The following RGS6 variants were observed in gnomAD, a reference collection of about 807,000 sequenced individuals.
The protein encoded by RGS6 is regulator of G-protein signaling 6.
Under a neutral mutation model 78.5 loss-of-function variants are expected in RGS6, and 30 were observed. The ratio of observed to expected loss-of-function variants is 0.38; its 90% CI spans 0.29 to 0.52. The LOEUF (loss-of-function observed/expected upper bound fraction) is 0.52. RGS6 is among the 20% of genes least tolerant of loss of function. The probability of loss-of-function intolerance (pLI) is 0.85; values close to 1 mark genes in which losing one functional copy is unlikely to be tolerated. For missense variants in RGS6, 495 were observed against 609.7 expected, an observed-to-expected ratio of 0.81 and a Z score of 1.98; for synonymous variants, 206 against 206.0, an observed-to-expected ratio of 1.00 and a Z score of 0.00.
chr14:72,217,275 C>A (rs985779828), intron 2 of RGS6, among the ~76,000 whole-genome samples: 7 of 152,152 alleles, frequency 4.6e-5, no homozygotes, highest in Admixed American at 1.3e-4. Flanking sequence ...GATATGGGAG[C>A]AATCTCATGA....
At chr14:71,942,376 TTAATTACCC>T (rs1026564361) in intron 1 of RGS6, among the ~76,000 whole-genome samples, 73 of 152,206 alleles carry the variant, frequency 4.8e-4, no homozygotes, top group African/African-American at 1.7e-3. Flanking sequence ...AGTTTCACTA[TTAATTACCC>T]TAATTACCAA....
At chr14:72,176,667 A>C (rs1462939865) in intron 2 of RGS6, among the ~76,000 whole-genome samples, 1 of 152,134 alleles carries the variant, frequency 6.6e-6, no homozygotes, top group Non-Finnish European at 1.5e-5. Flanking sequence ...GTCCGTGAAC[A>C]GTGATGAGTT....
chr14:72,091,887 C>T (rs536968144), intron 2 of RGS6, among the ~76,000 whole-genome samples: 1 of 152,214 alleles, frequency 6.6e-6, no homozygotes, highest in African/African-American at 2.4e-5. Flanking sequence ...TATTAATACT[C>T]TATTCTCTAA....
chr14:72,152,605 G>A (rs1470180478), intron 2 of RGS6, among the ~76,000 whole-genome samples: 1 of 152,168 alleles, frequency 6.6e-6, no homozygotes, highest in East Asian at 1.9e-4. Flanking sequence ...ACGTTTACCA[G>A]TAAGATATGT....
chr14:72,368,431 A>T (rs532250244), intron 3 of RGS6, among the ~76,000 whole-genome samples: 1 of 152,194 alleles, frequency 6.6e-6, no homozygotes, highest in Non-Finnish European at 1.5e-5. Context: ...AAATTTCAAG[A>T]TGAGTTTTGG....
intron 17 of RGS6, among the ~76,000 whole-genome samples, chr14:72,553,063 T>A (rs1318727986): frequency 6.6e-6 from 1 of 152,184 alleles, no homozygotes; most frequent in Non-Finnish European, 1.5e-5. Flanking sequence ...TGCACAGGTG[T>A]ATACACAGGT....
chr14:72,421,381 A>G (rs535833011), intron 3 of RGS6, among the ~76,000 whole-genome samples: 2 of 152,258 alleles, frequency 1.3e-5, no homozygotes, highest in East Asian at 3.9e-4. Context: ...GTAATTATTT[A>G]CATTTTAAAC....
chr14:71,934,148 G>T (rs1417688063), intron 1 of RGS6, among the ~76,000 whole-genome samples: 1 of 152,230 alleles, frequency 6.6e-6, no homozygotes, highest in East Asian at 1.9e-4. Flanking sequence ...AAAGTAGAGG[G>T]CTGAGGGACA....
At chr14:71,934,278 C>T (rs554876087) in intron 1 of RGS6, among the ~76,000 whole-genome samples, 4 of 152,250 alleles carry the variant, frequency 2.6e-5, no homozygotes, top group African/African-American at 9.6e-5. Flanking sequence ...TAAATATGAT[C>T]TCATGCACCA....
intron 1 of RGS6, among the ~76,000 whole-genome samples, chr14:71,946,446 G>A (rs544432718): frequency 2.6e-5 from 4 of 152,130 alleles, no homozygotes; most frequent in Non-Finnish European, 5.9e-5. Context: ...CTGCTGGTCC[G>A]TGTCAGACAG....
intron 2 of RGS6, among the ~76,000 whole-genome samples, chr14:72,262,864 T>A (rs971143779): frequency 6.6e-6 from 1 of 152,096 alleles, no homozygotes; most frequent in Non-Finnish European, 1.5e-5. Context: ...GTCTTTGTCC[T>A]CCCCTTGAGC....
intron 2 of RGS6, among the ~76,000 whole-genome samples, chr14:72,015,322 C>G (rs1302176695): frequency 1.3e-5 from 2 of 152,202 alleles, no homozygotes; most frequent in South Asian, 4.1e-4. Context: ...AGGGCAGCAC[C>G]AAGCCATTCA....
chr14:72,194,129 G>A (rs2039428181), intron 2 of RGS6, among the ~76,000 whole-genome samples: 1 of 152,148 alleles, frequency 6.6e-6, no homozygotes, highest in Non-Finnish European at 1.5e-5. Context: ...GGCAGTGGAG[G>A]TGGTGAGGAA....
chr14:72,035,639 A>G (rs905974243), intron 2 of RGS6, among the ~76,000 whole-genome samples: 3 of 152,040 alleles, frequency 2.0e-5, no homozygotes, highest in Non-Finnish European at 4.4e-5. Flanking sequence ...GCTGCATCCT[A>G]TATGTTTTGC....
At chr14:72,142,895 A>G (rs1262495857) in intron 2 of RGS6, among the ~76,000 whole-genome samples, 1 of 152,180 alleles carries the variant, frequency 6.6e-6, no homozygotes, top group African/African-American at 2.4e-5. Context: ...ATAAGAGGCA[A>G]ACAGAGTCTC....
Position 72,341,665 on chromosome 14 carries a change from G to A in RGS6, c.85-10430G>A, listed in dbSNP as rs149059714. On this transcript the variant is annotated intron_variant, in intron 2 of 17. Coordinates refer to ENST00000553525, the MANE Select transcript of RGS6 (RefSeq NM_001204424.2). ...TGGTGCTGGAAAGGTGGCAGATGCC[G>A]AATGATGGAGGACCTTGAATTCCAT... is the stretch of plus-strand genomic sequence containing the variant. Among the ~76,000 whole-genome samples the A allele has an allele frequency of 9.8e-5, 15 of 152,316 alleles. No homozygotes were observed. The South Asian group carries it at 1.5e-3, about 15-fold the overall frequency.
intron 12 of RGS6, among the ~76,000 whole-genome samples, chr14:72,488,476 C>T (rs1022287827): frequency 6.6e-6 from 1 of 152,230 alleles, no homozygotes; most frequent in Admixed American, 6.5e-5. Context: ...GCTCTCACCA[C>T]CTCTCTTCCA....
chr14:71,894,376 A>G, the RGS6 span, among the ~76,000 whole-genome samples: 1 of 152,244 alleles, frequency 6.6e-6, no homozygotes, highest in Non-Finnish European at 1.5e-5. Flanking sequence ...ATTCTTGCAA[A>G]GTATAGTAAT....
At chr14:72,042,638 T>C (rs899060725) in intron 2 of RGS6, among the ~76,000 whole-genome samples, 5 of 54,152 alleles carry the variant, frequency 9.2e-5, no homozygotes, top group Non-Finnish European at 1.4e-4. Flanking sequence ...CCAGGCTTTA[T>C]ATAATAAACT....
Sources: allele counts gnomAD v4.1 joint callset (sites outside exome capture counted in the v4.1 genomes callset), GRCh38; gene constraint gnomAD v4.1.1; transcripts MANE v1.5; gene names NCBI Gene and HGNC (gene_info 2026-07-23, HGNC 2026-07-21).